TP63: variants seen among roughly 807,000 people sequenced by gnomAD.
TP63 encodes tumor protein p63, also known as tumor protein 63.
In TP63, 17 loss-of-function variants were observed where a neutral mutation model predicts 82.8. The observed-to-expected ratio is 0.21, with a 90% CI of 0.14 to 0.31. TP63 has a LOEUF of 0.31. Ranked by LOEUF, TP63 falls within the 10% of genes least tolerant of loss-of-function variation. The pLI, the probability that TP63 is intolerant of heterozygous loss-of-function variation, is 1.00. For synonymous variants in TP63, 330 were observed against 321.7 expected, an observed-to-expected ratio of 1.03 and a Z score of -0.28; for missense variants, 648 against 895.3, an observed-to-expected ratio of 0.72 and a Z score of 3.52.
chr3:189,737,970 G>A (rs1178783508), intron 2 of TP63, 102 bp downstream of exon 2: 1 of 1,448,324 alleles, frequency 6.9e-7, no homozygotes, highest in Non-Finnish European at 9.5e-7. Flanking sequence ...AGAATCAGTA[G>A]AAGTTATTTA....
intron 11 of TP63, among the ~76,000 whole-genome samples, chr3:189,886,935 A>T (rs941865464): frequency 6.6e-6 from 1 of 152,114 alleles, no homozygotes; most frequent in Non-Finnish European, 1.5e-5. Context: ...TAGGCCGGGC[A>T]TGGTGGCTCA....
chr3:189,750,752 C>A (rs907342257), intron 3 of TP63, among the ~76,000 whole-genome samples: 1 of 152,034 alleles, frequency 6.6e-6, no homozygotes, highest in Non-Finnish European at 1.5e-5. Context: ...TTATCTTGAT[C>A]GTATTGTTTA....
At chr3:189,808,631 A>C in intron 4 of TP63, 105 bp downstream of exon 4, 1 of 1,589,518 alleles carries the variant, frequency 6.3e-7, no homozygotes, top group Non-Finnish European at 8.5e-7. Flanking sequence ...TTCCATGTTC[A>C]TGGTGGAAAA....
chr3:189,728,654 C>G (rs910677810), intron 1 of TP63, among the ~76,000 whole-genome samples: 17 of 152,172 alleles, frequency 1.1e-4, no homozygotes, highest in Non-Finnish European at 2.1e-4. Flanking sequence ...TTAATACACT[C>G]ACAGTTGTGC....
At position 189,872,947 on chromosome 3, in the gene TP63, C is replaced by T. The variant is rs558374141; in HGVS notation, c.1301C>T (p.Thr434Met). Residue 434 changes from threonine (T) to methionine (M), a missense_variant, in exon 10 of 14, where the codon ACG becomes ATG. By Grantham distance (81) the Thr-to-Met change is moderately conservative. Transcript: ENST00000264731. Reference sequence around the variant, plus strand: ...TACCTTCCTCAGCACACAATTGAAACGTACAGGCAACAGCAACAGCAGCAG... The same window carrying T: ...TACCTTCCTCAGCACACAATTGAAATGTACAGGCAACAGCAACAGCAGCAG... ...MQYLPQHTIETYRQQQQQQHQ... is the reference protein window; with the variant it reads ...MQYLPQHTIEMYRQQQQQQHQ... The T allele has an allele frequency of 1.2e-5, 19 of 1,614,116 alleles. No individual in the cohort carries two copies. The highest frequency in any genetic ancestry group is 6.6e-5 in the South Asian group (6 of 91,088).
intron 9 of TP63, among the ~76,000 whole-genome samples, chr3:189,872,181 G>T (rs373484717): frequency 4.6e-5 from 7 of 152,088 alleles, no homozygotes; most frequent in African/African-American, 1.7e-4. Flanking sequence ...TGCAAAAATG[G>T]TATTGGTGGA....
chr3:189,781,788 GTCTA>G (rs1724252276), intron 3 of TP63, among the ~76,000 whole-genome samples: 1 of 152,150 alleles, frequency 6.6e-6, no homozygotes, highest in African/African-American at 2.4e-5. Flanking sequence ...AAATCAACTA[GTCTA>G]TAAAATTAGC....
chr3:189,843,594 C>T (rs971592674), intron 4 of TP63, among the ~76,000 whole-genome samples: 1 of 152,118 alleles, frequency 6.6e-6, no homozygotes, highest in Non-Finnish European at 1.5e-5. Flanking sequence ...GACTGTGGGG[C>T]CAATGTTGGG....
At chr3:189,651,392 G>A (rs1011582939) in intron 1 of TP63, among the ~76,000 whole-genome samples, 11 of 145,590 alleles carry the variant, frequency 7.6e-5, no homozygotes, top group African/African-American at 2.8e-4. Context: ...CTAAAAATAC[G>A]AAAATTAGCT....
At chr3:189,852,505 T>C (rs1715773084) in intron 4 of TP63, among the ~76,000 whole-genome samples, 1 of 152,242 alleles carries the variant, frequency 6.6e-6, no homozygotes, top group African/African-American at 2.4e-5. Context: ...CTTCCATGTA[T>C]GTATTTCATG....
At position 189,856,411 on chromosome 3, in the gene TP63, T is replaced by C. The variant is rs146748298; in HGVS notation, c.580-7821T>C. On this transcript the variant is annotated intron_variant, in intron 4 of 13. Coordinates refer to ENST00000264731, the MANE Select transcript of TP63 (RefSeq NM_003722.5). ...TAGCTAAGAAGTACCTAGAAGAAAC[T>C]TGGTAGAATTAAATGTTTATATTAG... Among the ~76,000 whole-genome samples the C allele has an allele frequency of 4.3e-3, 655 of 151,800 alleles. 7 individuals carry two copies. The highest frequency in any genetic ancestry group is 0.015 in the African/African-American group (624 of 41,394).
At chr3:189,854,316 C>T (rs988561492) in intron 4 of TP63, among the ~76,000 whole-genome samples, 9 of 152,264 alleles carry the variant, frequency 5.9e-5, no homozygotes, top group East Asian at 3.9e-4. Context: ...CGGCGACCCC[C>T]GCCTCCTGAG....
intron 5 of TP63, 25 bp from the exon 6 acceptor site, chr3:189,866,657 T>A (rs1397596421): frequency 3.1e-6 from 5 of 1,600,378 alleles, no homozygotes; most frequent in Non-Finnish European, 3.4e-6. Flanking sequence ...AAGAACTAAC[T>A]CTTTTATTGT....
intron 3 of TP63, among the ~76,000 whole-genome samples, chr3:189,761,318 C>T (rs765332599): frequency 4.7e-5 from 7 of 148,756 alleles, no homozygotes; most frequent in Middle Eastern, 3.2e-3. Flanking sequence ...TAATAGCACC[C>T]AAGTCACTTC....
At chr3:189,632,236 T>A (rs945604209) in intron 1 of TP63, among the ~76,000 whole-genome samples, 1 of 152,168 alleles carries the variant, frequency 6.6e-6, no homozygotes, top group Non-Finnish European at 1.5e-5. Context: ...TTTCCAGTCA[T>A]AAAGTTATGG....
chr3:189,884,434 C>T (rs915267091), intron 10 of TP63, among the ~76,000 whole-genome samples: 3 of 152,172 alleles, frequency 2.0e-5, no homozygotes, highest in African/African-American at 4.8e-5. Flanking sequence ...TAGTTCTGCC[C>T]TCAGTGCATC....
intron 9 of TP63, among the ~76,000 whole-genome samples, chr3:189,869,875 G>C (rs991978405): frequency 2.6e-5 from 4 of 152,004 alleles, no homozygotes; most frequent in African/African-American, 4.8e-5. Flanking sequence ...GTCCATAATG[G>C]GGAAGAGGGG....
intron 1 of TP63, among the ~76,000 whole-genome samples, chr3:189,712,487 C>T (rs1718664626): frequency 1.3e-5 from 2 of 151,552 alleles, no homozygotes; most frequent in Non-Finnish European, 2.9e-5. Context: ...TGATGAGCAC[C>T]AGCTTTTTCA....
intron 3 of TP63, among the ~76,000 whole-genome samples, chr3:189,778,625 T>C (rs944091735): frequency 6.6e-6 from 1 of 152,190 alleles, no homozygotes; most frequent in Non-Finnish European, 1.5e-5. Context: ...TGTTGCTAAA[T>C]AGGAATTGTA....
Sources: allele counts gnomAD v4.1 joint callset (sites outside exome capture counted in the v4.1 genomes callset), GRCh38; gene constraint gnomAD v4.1.1; transcripts MANE v1.5; gene names NCBI Gene and HGNC (gene_info 2026-07-23, HGNC 2026-07-21).